The following GABRG3 variants were observed in gnomAD, a reference collection of about 807,000 sequenced individuals.
The protein encoded by GABRG3 is gamma-aminobutyric acid receptor subunit gamma-3.
In GABRG3, 25 loss-of-function variants were observed where a neutral mutation model predicts 48.8. The observed-to-expected ratio is 0.51, with a 90% CI of 0.37 to 0.72. The LOEUF (loss-of-function observed/expected upper bound fraction) is 0.72. GABRG3 is among the 30% of genes least tolerant of loss of function. The pLI is 0.00. For missense variants in GABRG3, 394 were observed against 577.9 expected, an observed-to-expected ratio of 0.68 and a Z score of 3.26; for synonymous variants, 227 against 217.6, an observed-to-expected ratio of 1.04 and a Z score of -0.38.
intron 5 of GABRG3, among the ~76,000 whole-genome samples, chr15:27,470,477 C>T (rs542284247): frequency 8.6e-5 from 13 of 151,908 alleles, no homozygotes; most frequent in African/African-American, 2.7e-4. Context: ...AGGCAATCCA[C>T]TCACCTCAGC....
rs945862322 is a variant in GABRG3, at chr15:27,532,870, C to T, written c.1393C>T (p.Leu465=). Residue 465 remains leucine, a synonymous_variant, in exon 10 of 10, where the codon CTG becomes TTG. Transcript: ENST00000615808. ...TAACCTGGTCTACTGGGTTGGATACCTGTATCTCTAAGTGTTGCTCAGAGT... is the reference window on the plus strand; with the variant it reads ...TAACCTGGTCTACTGGGTTGGATACTTGTATCTCTAAGTGTTGCTCAGAGT... The part of the protein sequence containing the change: ...LFNLVYWVGY[L]YL 1 of 1,613,780 alleles carries T rather than the reference C, an allele frequency of 6.2e-7. No individual in the cohort carries two copies. The highest frequency in any genetic ancestry group is 1.7e-5 in the Admixed American group (1 of 60,014).
intron 5 of GABRG3, among the ~76,000 whole-genome samples, chr15:27,449,703 T>G (rs568036572): frequency 1.3e-5 from 2 of 152,340 alleles, no homozygotes; most frequent in African/African-American, 2.4e-5. Flanking sequence ...GTTATCCACA[T>G]GTACTAGGGT....
intron 3 of GABRG3, among the ~76,000 whole-genome samples, chr15:27,076,560 A>G (rs1454815302): frequency 1.3e-5 from 2 of 152,008 alleles, no homozygotes; most frequent in Non-Finnish European, 2.9e-5. Flanking sequence ...TCCTGACCTC[A>G]TGATCCACCC....
At chr15:27,414,236 T>C (rs1055930522) in intron 5 of GABRG3, among the ~76,000 whole-genome samples, 1 of 152,246 alleles carries the variant, frequency 6.6e-6, no homozygotes, top group Non-Finnish European at 1.5e-5. Flanking sequence ...GTTATCTTTC[T>C]GGTTCATGAA....
chr15:27,449,288 G>A (rs1022564609), intron 5 of GABRG3, among the ~76,000 whole-genome samples: 1 of 152,148 alleles, frequency 6.6e-6, no homozygotes, highest in Non-Finnish European at 1.5e-5. Flanking sequence ...CCCGCATCCA[G>A]GCACCTCTCT....
chr15:26,995,074 ATT>A (rs1895316479), intron 2 of GABRG3, among the ~76,000 whole-genome samples: 1 of 152,012 alleles, frequency 6.6e-6, no homozygotes, highest in Admixed American at 6.6e-5. Flanking sequence ...TGCACATTGA[ATT>A]ATCTGTTTCC....
intron 2 of GABRG3, among the ~76,000 whole-genome samples, chr15:27,009,843 T>C (rs1406402944): frequency 6.6e-6 from 1 of 152,148 alleles, no homozygotes; most frequent in Non-Finnish European, 1.5e-5. Context: ...AGGCAACTTC[T>C]TCTTCCTCTT....
chr15:27,174,208 A>C (rs10519589), intron 3 of GABRG3, among the ~76,000 whole-genome samples: 1 of 152,194 alleles, frequency 6.6e-6, no homozygotes, highest in South Asian at 2.1e-4. Flanking sequence ...TGCTTTGTTT[A>C]AATTAGTATC....
intron 3 of GABRG3, among the ~76,000 whole-genome samples, chr15:27,190,597 T>C (rs1376454986): frequency 6.6e-6 from 1 of 152,158 alleles, no homozygotes; most frequent in Non-Finnish European, 1.5e-5. Context: ...TTTTATTGCA[T>C]CTATTTTATT....
intron 3 of GABRG3, among the ~76,000 whole-genome samples, chr15:27,267,108 T>C (rs982458576): frequency 6.7e-6 from 1 of 149,004 alleles, no homozygotes; most frequent in Non-Finnish European, 1.5e-5. Context: ...TTTACTTTTT[T>C]TTTTTTTTTT....
chr15:27,541,741 CCCT>C lies in GABRG3; in HGVS notation c.*8866_*8868del, dbSNP rs946273464. 4.6e-5 allele frequency: 7 copies of C among 152,286 alleles called. No individual in the cohort carries two copies. The highest frequency in any genetic ancestry group is 1.7e-4 in the African/African-American group (7 of 41,468). 9.4% of individuals were successfully genotyped at this position (152,286 alleles called of 1,614,324 possible). A position where few individuals can be genotyped will look rare whatever the true frequency, so the allele number is the denominator to read the frequency against. ...TCCGGGCGGTCCCGAGGTCCCGCCG[CCCT>C]CCTCCCCTGCGCAGAGGACGTGGCT... On this transcript the variant is annotated 3_prime_UTR_variant, in exon 10 of 10. Transcript: ENST00000615808.
chr15:26,991,327 G>C (rs903337823), intron 2 of GABRG3, among the ~76,000 whole-genome samples: 3 of 151,624 alleles, frequency 2.0e-5, no homozygotes, highest in Non-Finnish European at 4.4e-5. Flanking sequence ...CTATAGCCTT[G>C]TAATGTAATT....
intron 3 of GABRG3, among the ~76,000 whole-genome samples, chr15:27,124,442 G>C (rs1187755586): frequency 6.6e-6 from 1 of 152,174 alleles, no homozygotes; most frequent in Non-Finnish European, 1.5e-5. Flanking sequence ...TCTCCTCCTA[G>C]CATCTGGAGC....
At chr15:27,148,457 C>T (rs1037030662) in intron 3 of GABRG3, among the ~76,000 whole-genome samples, 1 of 151,852 alleles carries the variant, frequency 6.6e-6, no homozygotes, top group African/African-American at 2.4e-5. Context: ...ACAAGCTTTT[C>T]CTAAAAATTG....
rs187923823 is a variant in GABRG3 at position 27,011,705 on chromosome 15, G to A, written c.203-15049G>A. ...TACTAAAAAATACAAAAAATTAGCC[G>A]GGTGTGGTGGTGGGCGCCTGTAGTC... On this transcript the variant is annotated intron_variant, in intron 2 of 9. Transcript: ENST00000615808. Among the ~76,000 whole-genome samples the A allele has an allele frequency of 1.1e-4, 17 of 152,118 alleles. No homozygotes were observed. The East Asian group carries it at 1.4e-3, about 12-fold the overall frequency.
rs1887868314 is a variant in GABRG3, at chr15:27,179,820, A to C, written c.271-146989A>C. ...AAAGAAAACTATAATGATTAAAGGG[A>C]GGAGAGCTGCGTAGAAGAGAGACAG... is the stretch of plus-strand genomic sequence containing the variant. On this transcript the variant is annotated intron_variant, in intron 3 of 9. Transcript: ENST00000615808. The surrounding 1 kb of genome is among the most constrained non-coding windows in gnomAD (Gnocchi z 4.0). 6.6e-6 allele frequency among the ~76,000 whole-genome samples: 1 copy of C among 152,216 alleles called. No homozygotes were observed. Among genetic ancestry groups the C allele is most frequent in the African/African-American group, 2.4e-5 (1 of 41,452 alleles).
At chr15:27,024,444 GT>G (rs1895949943) in intron 2 of GABRG3, among the ~76,000 whole-genome samples, 1 of 152,176 alleles carries the variant, frequency 6.6e-6, no homozygotes, top group African/African-American at 2.4e-5. Flanking sequence ...AGGCCTTACA[GT>G]TAGGTCTCAA....
chr15:27,529,316 C>T lies in GABRG3; in HGVS notation c.1122+1324C>T, dbSNP rs140675620. Among the ~76,000 whole-genome samples the T allele has an allele frequency of 4.7e-3, 717 of 152,282 alleles. 7 individuals are homozygous for T. Among genetic ancestry groups the T allele is most frequent in the African/African-American group, 0.017 (687 of 41,546 alleles). The stretch of plus-strand genomic sequence containing the variant: ...GTAGAGTGTAGCTTTACTGAAAAAT[C>T]GAGAAACATATTTTTAAATTAATGA... On this transcript the variant is annotated intron_variant, in intron 9 of 9. Transcript: ENST00000615808.
At chr15:27,282,694 C>A (rs571450683) in intron 3 of GABRG3, among the ~76,000 whole-genome samples, 1 of 152,236 alleles carries the variant, frequency 6.6e-6, no homozygotes, top group East Asian at 1.9e-4. Flanking sequence ...CTTGTCAGAT[C>A]ATTCTAATGT....
Sources: allele counts gnomAD v4.1 joint callset (sites outside exome capture counted in the v4.1 genomes callset), GRCh38; gene constraint gnomAD v4.1.1; non-coding constraint Gnocchi (gnomAD v3.1); transcripts MANE v1.5; gene names NCBI Gene and HGNC (gene_info 2026-07-23, HGNC 2026-07-21).